Variants in SLCO6A1 observed in about 807,000 individuals in gnomAD.
SLCO6A1 encodes solute carrier organic anion transporter family member 6A1, also known as cancer/testis antigen 48.
In SLCO6A1, 65 loss-of-function variants were observed where a neutral mutation model predicts 72.7. The ratio of observed to expected loss-of-function variants is 0.89; its 90% CI spans 0.73 to 1.10. The LOEUF is 1.10. SLCO6A1 is among the 50% of genes least tolerant of loss of function. SLCO6A1 has a pLI of 0.00. For missense variants in SLCO6A1, 874 were observed against 872.6 expected, an observed-to-expected ratio of 1.00 and a Z score of -0.02; for synonymous variants, 314 against 298.2, an observed-to-expected ratio of 1.05 and a Z score of -0.55.
chr5:102,463,142 C>CA (rs34925456), intron 4 of SLCO6A1, among the ~76,000 whole-genome samples: 98,377 of 151,936 alleles, frequency 0.65, 32,049 homozygotes, highest in African/African-American at 0.67. Flanking sequence ...AGAAGATATA[C>CA]AATGCCCAAT....
chr5:102,481,416 A>G (rs1752187771), intron 1 of SLCO6A1, among the ~76,000 whole-genome samples: 1 of 152,124 alleles, frequency 6.6e-6, no homozygotes, highest in Non-Finnish European at 1.5e-5. Flanking sequence ...TGCCAAAACC[A>G]CCAGAAACAG....
chr5:102,413,411 TAA>T (rs200887916), intron 8 of SLCO6A1, among the ~76,000 whole-genome samples: 30 of 149,040 alleles, frequency 2.0e-4, no homozygotes, highest in Non-Finnish European at 3.1e-4. Flanking sequence ...AACATAATAA[TAA>T]AAAAAAAAAC....
intron 7 of SLCO6A1, among the ~76,000 whole-genome samples, chr5:102,430,559 T>C (rs192776865): frequency 3.9e-5 from 6 of 152,186 alleles, no homozygotes; most frequent in African/African-American, 1.2e-4. Context: ...CAGATGATCA[T>C]GTGGTTTTCA....
chr5:102,373,207 C>T (rs1750719828), intron 13 of SLCO6A1, 130 bp downstream of exon 13: 2 of 477,812 alleles, frequency 4.2e-6, no homozygotes, highest in Non-Finnish European at 6.0e-6. Flanking sequence ...ATTATATTTG[C>T]ACTCAAAATA....
chr5:102,480,863 T>A (rs1298602154), intron 1 of SLCO6A1, among the ~76,000 whole-genome samples: 2 of 152,144 alleles, frequency 1.3e-5, no homozygotes, highest in Admixed American at 6.5e-5. Context: ...TTTGTCTCCC[T>A]CCCCTCCATA....
At position 102,498,800 on chromosome 5, in the gene SLCO6A1, G is replaced by C. The variant is rs754292207; in HGVS notation, c.45C>G (p.Val15=). ...VARHSGSQDE[V]SRGVEPLEAA... is the part of the protein sequence containing the mutation. ...CCTCCAGCGGCTCTACTCCCCTTGA[G>C]ACTTCATCCTGGCTCCCAGAGTGCC... The change falls in exon 1 of 14, where the codon GTC becomes GTG. Residue 15 remains valine (V), a synonymous_variant. Coordinates refer to ENST00000506729, the MANE Select transcript of SLCO6A1 (RefSeq NM_173488.5). The C allele has an allele frequency of 3.7e-6, 6 of 1,613,594 alleles. No homozygotes were observed. Among genetic ancestry groups the C allele is most frequent in the Non-Finnish European group, 5.1e-6 (6 of 1,179,926 alleles).
intron 9 of SLCO6A1, among the ~76,000 whole-genome samples, chr5:102,408,695 A>G (rs1206149295): frequency 6.6e-6 from 1 of 152,188 alleles, no homozygotes; most frequent in Non-Finnish European, 1.5e-5. Flanking sequence ...CAGAAGAAAA[A>G]TAATCCCATA....
At chr5:102,428,534 T>C (rs1452055) in intron 7 of SLCO6A1, among the ~76,000 whole-genome samples, 98,022 of 151,932 alleles carry the variant, frequency 0.65, 31,814 homozygotes, top group African/African-American at 0.66. Flanking sequence ...GGGATACATA[T>C]GCAGGTTAGT....
At chr5:102,420,080 A>C (rs1433042323) in intron 7 of SLCO6A1, 59 bp from the exon 8 acceptor site, 1 of 1,311,878 alleles carries the variant, frequency 7.6e-7, no homozygotes, top group Non-Finnish European at 1.0e-6. Context: ...TACAGATAAT[A>C]CATACATTGA....
intron 4 of SLCO6A1, among the ~76,000 whole-genome samples, chr5:102,473,315 C>G (rs1751726695): frequency 6.6e-6 from 1 of 151,932 alleles, no homozygotes; most frequent in Non-Finnish European, 1.5e-5. Flanking sequence ...AAAGATGGTT[C>G]AGCATATGAA....
At chr5:102,438,108 G>A (rs973626991) in intron 7 of SLCO6A1, among the ~76,000 whole-genome samples, 3 of 151,824 alleles carry the variant, frequency 2.0e-5, no homozygotes, top group African/African-American at 7.3e-5. Flanking sequence ...AAAGTGGGAG[G>A]CAACAACATA....
chr5:102,384,769 T>A (rs547184840), intron 12 of SLCO6A1, among the ~76,000 whole-genome samples: 34 of 152,242 alleles, frequency 2.2e-4, no homozygotes, highest in African/African-American at 7.9e-4. Context: ...ATTCCAAATT[T>A]GACTATGTAT....
intron 7 of SLCO6A1, 156 bp downstream of exon 7, chr5:102,438,461 G>C: frequency 2.0e-6 from 1 of 506,280 alleles, no homozygotes; most frequent in African/African-American, 2.0e-5. Flanking sequence ...TAAAAATATT[G>C]ACACTATGAT....
intron 12 of SLCO6A1, among the ~76,000 whole-genome samples, chr5:102,385,075 G>A (rs576848428): frequency 9.9e-5 from 15 of 152,176 alleles, no homozygotes; most frequent in African/African-American, 3.6e-4. Flanking sequence ...CTGATGGATG[G>A]ACTTCTCAGG....
At position 102,414,014 on chromosome 5, in the gene SLCO6A1, T is replaced by G. The variant is rs1580380878; in HGVS notation, c.1473-871A>C. On this transcript the variant is annotated intron_variant, in intron 8 of 13. Transcript: ENST00000506729. ...AGATATATTATTTTCCAATAGTTTT[T>G]CACATTCTATGGCTTGCTTTTTCAT... 2.0e-5 allele frequency among the ~76,000 whole-genome samples: 3 copies of G among 152,248 alleles called. No individual in the cohort carries two copies. The South Asian group carries it at 6.2e-4, about 32-fold the overall frequency.
intron 9 of SLCO6A1, among the ~76,000 whole-genome samples, chr5:102,402,283 C>T (rs925732322): frequency 1.3e-5 from 2 of 152,052 alleles, no homozygotes; most frequent in Non-Finnish European, 2.9e-5. Context: ...AGATGAATTT[C>T]AAGATTACTA....
intron 7 of SLCO6A1, among the ~76,000 whole-genome samples, chr5:102,431,850 T>C (rs1749237290): frequency 6.6e-6 from 1 of 152,178 alleles, no homozygotes; most frequent in Admixed American, 6.5e-5. Flanking sequence ...TCTTCCACTA[T>C]TAATTGGTGG....
intron 7 of SLCO6A1, among the ~76,000 whole-genome samples, chr5:102,431,824 C>T (rs985642430): frequency 7.2e-5 from 11 of 152,090 alleles, no homozygotes; most frequent in Non-Finnish European, 1.0e-4. Flanking sequence ...CTAACACTTT[C>T]GGTGAGGTGT....
intron 4 of SLCO6A1, among the ~76,000 whole-genome samples, chr5:102,460,569 A>G (rs62371010): frequency 2.0e-5 from 3 of 151,824 alleles, no homozygotes; most frequent in African/African-American, 7.2e-5. Context: ...TCATTTAAGG[A>G]GGAGATTAGG....
Sources: allele counts gnomAD v4.1 joint callset (sites outside exome capture counted in the v4.1 genomes callset), GRCh38; gene constraint gnomAD v4.1.1; transcripts MANE v1.5; gene names NCBI Gene and HGNC (gene_info 2026-07-23, HGNC 2026-07-21).